Variants in CDH13 observed in about 807,000 individuals in gnomAD.
The protein encoded by CDH13 is cadherin 13, also known as cadherin-13.
In CDH13, 24 loss-of-function variants were observed where a neutral mutation model predicts 63.8. That is an observed-to-expected ratio of 0.38 (90% CI 0.27 to 0.53). The LOEUF (loss-of-function observed/expected upper bound fraction) is 0.53, where lower values mean the gene tolerates loss of function less well. Among genes scored for constraint, CDH13 ranks in the 20% least tolerant of loss-of-function variants. The pLI is 0.85. For missense variants in CDH13, 1,049 were observed against 903.1 expected (o/e 1.16, Z -2.07); for synonymous variants, 503 against 355.3 (o/e 1.42, Z -4.67).
At position 83,743,748 on chromosome 16, in the gene CDH13, C is replaced by CTTTTTTTTTTTTTTTT. The variant is rs67886035; in HGVS notation, c.1539-4356_1539-4341dup. On this transcript the variant is annotated intron_variant, in intron 10 of 13. Coordinates refer to ENST00000567109, the MANE Select transcript of CDH13 (RefSeq NM_001257.5). ...TGATGAGTTGCCTTTTTTCTTTTTT[C>CTTTTTTTTTTTTTTTT]TTTTTTTTTTTTTTTTTTTCTTTGC... is the stretch of plus-strand genomic sequence containing the variant. Among the ~76,000 whole-genome samples the CTTTTTTTTTTTTTTTT allele has an allele frequency of 9.0e-4, 69 of 76,260 alleles. 5 individuals are homozygous for CTTTTTTTTTTTTTTTT. The highest frequency in any genetic ancestry group is 0.04 in the Middle Eastern group (2 of 50). The allele number at this position is 76,260 out of a possible 152,430, so 50.0% of individuals were successfully genotyped here.
chr16:82,941,867 C>T (rs751638436), intron 2 of CDH13, among the ~76,000 whole-genome samples: 1 of 152,118 alleles, frequency 6.6e-6, no homozygotes, highest in African/African-American at 2.4e-5. Context: ...AAGTTGTTCT[C>T]CAGAATATAA....
At chr16:83,561,438 A>G (rs1004797878) in intron 7 of CDH13, among the ~76,000 whole-genome samples, 2 of 151,942 alleles carry the variant, frequency 1.3e-5, no homozygotes, top group African/African-American at 4.8e-5. Flanking sequence ...AAAAAAAAAA[A>G]AAAAAAAACT....
Position 82,860,392 on chromosome 16 carries a change from G to A in CDH13, c.157+1919G>A, listed in dbSNP as rs866958082. ...TCACAGTTGTGTGTGTGTGTGTGGG[G>A]GGGGGGGCGGCGGTGTGCGTGTGTG... On this transcript the variant is annotated intron_variant, in intron 2 of 13. Transcript: ENST00000567109. 1.8e-4 allele frequency among the ~76,000 whole-genome samples: 24 copies of A among 132,326 alleles called. 1 individual carries two copies. Among genetic ancestry groups the A allele is most frequent in the African/African-American group, 6.1e-4 (22 of 36,002 alleles). 86.8% of individuals were successfully genotyped at this position (132,326 alleles called of 152,430 possible).
At chr16:83,756,637 C>G (rs1913530804) in intron 11 of CDH13, among the ~76,000 whole-genome samples, 1 of 152,092 alleles carries the variant, frequency 6.6e-6, no homozygotes, top group South Asian at 2.1e-4. Flanking sequence ...TCCAATGTGG[C>G]CCAGGGAAGC....
At chr16:83,493,130 A>G (rs1346044970) in intron 7 of CDH13, among the ~76,000 whole-genome samples, 1 of 152,212 alleles carries the variant, frequency 6.6e-6, no homozygotes, top group African/African-American at 2.4e-5. Flanking sequence ...GGCTTATTGA[A>G]AAAATTCAAA....
intron 1 of CDH13, among the ~76,000 whole-genome samples, chr16:82,757,053 G>T (rs1003970073): frequency 6.6e-6 from 1 of 152,044 alleles, no homozygotes; most frequent in African/African-American, 2.4e-5. Context: ...AGGATCCATG[G>T]GGACATTGAC....
At chr16:83,614,615 C>G (rs1212094206) in intron 8 of CDH13, among the ~76,000 whole-genome samples, 1 of 152,142 alleles carries the variant, frequency 6.6e-6, no homozygotes, top group Non-Finnish European at 1.5e-5. Context: ...TCGGCACTTT[C>G]AAATAAGTGG....
chr16:83,199,612 T>G (rs2081260494), intron 4 of CDH13, among the ~76,000 whole-genome samples: 1 of 152,184 alleles, frequency 6.6e-6, no homozygotes, highest in African/African-American at 2.4e-5. Flanking sequence ...AGGATGCCAC[T>G]TGAAAAACAT....
At chr16:82,751,556 A>T (rs2034416061) in intron 1 of CDH13, among the ~76,000 whole-genome samples, 1 of 152,140 alleles carries the variant, frequency 6.6e-6, no homozygotes. Context: ...GGTGCATGTA[A>T]CCCACATGCA....
At chr16:82,664,910 C>CAT (rs770763677) in intron 1 of CDH13, among the ~76,000 whole-genome samples, 3 of 151,914 alleles carry the variant, frequency 2.0e-5, no homozygotes, top group Non-Finnish European at 2.9e-5. Context: ...TGTATATATG[C>CAT]ATATATATGT....
chr16:83,335,042 T>A (rs966663074), intron 5 of CDH13, among the ~76,000 whole-genome samples: 1 of 152,194 alleles, frequency 6.6e-6, no homozygotes, highest in African/African-American at 2.4e-5. Context: ...CAACAAACAT[T>A]GTATCCATGG....
intron 4 of CDH13, among the ~76,000 whole-genome samples, chr16:83,186,111 T>G (rs921822262): frequency 7.0e-6 from 1 of 143,008 alleles, no homozygotes; most frequent in African/African-American, 2.6e-5. Flanking sequence ...TTTTATTTTA[T>G]TTTATTTTAT....
intron 2 of CDH13, among the ~76,000 whole-genome samples, chr16:82,879,978 A>G (rs1192252699): frequency 8.9e-5 from 13 of 146,818 alleles, no homozygotes; most frequent in Admixed American, 1.4e-4. Flanking sequence ...ATATAGATCC[A>G]TACAGATTAT....
At chr16:83,066,007 C>A (rs560372115) in intron 3 of CDH13, among the ~76,000 whole-genome samples, 1 of 152,192 alleles carries the variant, frequency 6.6e-6, no homozygotes, top group Non-Finnish European at 1.5e-5. Context: ...CTGTGTGTTA[C>A]TGTAAAGCTT....
At chr16:83,417,027 A>G (rs577330421) in intron 6 of CDH13, among the ~76,000 whole-genome samples, 18 of 152,322 alleles carry the variant, frequency 1.2e-4, no homozygotes, top group African/African-American at 4.3e-4. Flanking sequence ...TTTTCTGAAT[A>G]TTGTCCAAGT....
intron 6 of CDH13, among the ~76,000 whole-genome samples, chr16:83,351,585 A>C (rs1359066312): frequency 6.6e-6 from 1 of 152,196 alleles, no homozygotes; most frequent in East Asian, 1.9e-4. Context: ...CATTGTTTCA[A>C]ACAGCTAGAG....
At chr16:83,602,903 G>A (rs1040835630) in intron 8 of CDH13, among the ~76,000 whole-genome samples, 1 of 152,170 alleles carries the variant, frequency 6.6e-6, no homozygotes, top group Non-Finnish European at 1.5e-5. Context: ...AGTGAGTTAT[G>A]AGAGTCCCAC....
intron 1 of CDH13, among the ~76,000 whole-genome samples, chr16:82,710,659 A>G (rs916554103): frequency 6.3e-4 from 90 of 143,190 alleles, no homozygotes; most frequent in African/African-American, 2.1e-3. Context: ...ATTTTATTTG[A>G]TTTAAAAATA....
intron 1 of CDH13, among the ~76,000 whole-genome samples, chr16:82,670,022 A>T (rs1461057091): frequency 6.6e-6 from 1 of 152,226 alleles, no homozygotes; most frequent in East Asian, 1.9e-4. Context: ...CTCAAGGAGC[A>T]GATACGGACT....
Sources: gnomAD v4.1 joint callset for allele counts (sites outside exome capture counted in the v4.1 genomes callset) on GRCh38, gnomAD v4.1.1 for gene constraint, MANE v1.5 for transcripts, NCBI Gene and HGNC (gene_info 2026-07-23, HGNC 2026-07-21) for gene names.